Variants in SPAG16 observed in about 807,000 individuals in gnomAD.
The protein encoded by SPAG16 is sperm associated antigen 16, also known as sperm-associated antigen 16 protein.
SPAG16 carries 86 observed loss-of-function variants against 80.4 expected under a neutral mutation model. That is an observed-to-expected ratio of 1.07 (90% confidence interval 0.90 to 1.28). The LOEUF is 1.28. Ranked by LOEUF, SPAG16 falls within the 50% of genes most tolerant of loss-of-function variation. SPAG16 has a pLI of 0.00. For synonymous variants in SPAG16, 294 were observed against 265.9 expected (o/e 1.11, Z -1.03); for missense variants, 870 against 765.3 (o/e 1.14, Z -1.61).
intron 13 of SPAG16, among the ~76,000 whole-genome samples, chr2:214,018,417 A>G (rs1251427233): frequency 1.3e-5 from 2 of 152,184 alleles, no homozygotes; most frequent in Non-Finnish European, 2.9e-5. Context: ...AACAAGTTAA[A>G]ATAAATTTAC....
chr2:213,919,350 T>A (rs562503925), intron 11 of SPAG16, among the ~76,000 whole-genome samples: 1 of 152,322 alleles, frequency 6.6e-6, no homozygotes, highest in South Asian at 2.1e-4. Flanking sequence ...TTACTCTTGG[T>A]TCTCTAGTCC....
intron 15 of SPAG16, among the ~76,000 whole-genome samples, chr2:214,243,834 TA>T (rs1429153776): frequency 6.6e-6 from 1 of 152,120 alleles, no homozygotes; most frequent in East Asian, 1.9e-4. Context: ...CATCTCCTTC[TA>T]CCCATAGCCC....
intron 10 of SPAG16, among the ~76,000 whole-genome samples, chr2:213,610,501 C>T (rs933798963): frequency 2.6e-5 from 4 of 152,174 alleles, no homozygotes; most frequent in African/African-American, 7.2e-5. Context: ...ATCCCATAAC[C>T]TTTTTATCAC....
At chr2:214,046,906 GAAAA>G (rs35035036) in intron 13 of SPAG16, among the ~76,000 whole-genome samples, 16 of 145,468 alleles carry the variant, frequency 1.1e-4, no homozygotes, top group Admixed American at 4.1e-4. Context: ...TAAACAATCT[GAAAA>G]AAAAAAACAA....
Position 213,862,522 on chromosome 2 carries a change from T to C in SPAG16, c.1108T>C (p.Cys370Arg). 1.2e-6 allele frequency: 2 copies of C among 1,614,158 alleles called. No individual in the cohort carries two copies. Among genetic ancestry groups the C allele is most frequent in the Non-Finnish European group, 1.7e-6 (2 of 1,180,002 alleles). Residue 370 changes from cysteine to arginine, a missense_variant, in exon 11 of 16, where the codon TGT (cysteine) becomes CGT (arginine). Physicochemically the swap from Cys to Arg is radical, Grantham distance 180. Coordinates refer to ENST00000331683, the MANE Select transcript of SPAG16 (RefSeq NM_024532.5). ...MQPHKDILVS[C>R]GEDRLWKVLG... ...ACCCCACAAAGACATCCTAGTCTCC[T>C]GTGGCGAGGACCGACTCTGGAAGGT...
intron 15 of SPAG16, among the ~76,000 whole-genome samples, chr2:214,292,285 A>G (rs895055302): frequency 3.9e-5 from 6 of 152,082 alleles, no homozygotes; most frequent in African/African-American, 1.4e-4. Context: ...GGATGTGTAA[A>G]TCTGTTGCTG....
chr2:213,972,874 G>A (rs2045151072), intron 12 of SPAG16, among the ~76,000 whole-genome samples: 1 of 152,126 alleles, frequency 6.6e-6, no homozygotes, highest in African/African-American at 2.4e-5. Context: ...TCTGTGGGTT[G>A]TGTTTTCACT....
intron 10 of SPAG16, among the ~76,000 whole-genome samples, chr2:213,803,996 A>C (rs575689964): frequency 6.6e-6 from 1 of 152,338 alleles, no homozygotes; most frequent in South Asian, 2.1e-4. Context: ...CTAAATTCAT[A>C]TCCCTGGGCT....
intron 15 of SPAG16, among the ~76,000 whole-genome samples, chr2:214,384,324 T>C (rs892725124): frequency 1.3e-5 from 2 of 152,226 alleles, no homozygotes; most frequent in Non-Finnish European, 2.9e-5. Flanking sequence ...ATACTGTTGG[T>C]ACTTATTAGC....
intron 9 of SPAG16, among the ~76,000 whole-genome samples, chr2:213,455,477 G>C (rs1449262602): frequency 6.6e-6 from 1 of 152,072 alleles, no homozygotes; most frequent in Non-Finnish European, 1.5e-5. Context: ...ACCTCAAGGC[G>C]GTTTGTCAAC....
intron 12 of SPAG16, among the ~76,000 whole-genome samples, chr2:214,000,567 A>G (rs1000679884): frequency 5.9e-5 from 9 of 152,238 alleles, no homozygotes; most frequent in Non-Finnish European, 1.2e-4. Context: ...GCTATGTACA[A>G]CTGTTAAGTG....
intron 14 of SPAG16, among the ~76,000 whole-genome samples, chr2:214,122,208 A>G (rs2054253575): frequency 6.6e-6 from 1 of 151,824 alleles, no homozygotes; most frequent in Non-Finnish European, 1.5e-5. Context: ...AAATTATCCT[A>G]AAAAAGAATG....
chr2:214,362,257 T>A (rs1180280177), intron 15 of SPAG16, among the ~76,000 whole-genome samples: 1 of 151,866 alleles, frequency 6.6e-6, no homozygotes, highest in Non-Finnish European at 1.5e-5. Flanking sequence ...TTGGTCAAAG[T>A]AAGTCACAGA....
rs1015816029 is a variant in SPAG16 at position 213,839,152 on chromosome 2, C to G, written c.1071-23333C>G. Among the ~76,000 whole-genome samples, 3 of 152,252 alleles carry G rather than the reference C, an allele frequency of 2.0e-5. No individual in the cohort carries two copies. The East Asian group carries it at 5.8e-4, about 29-fold the overall frequency. The stretch of plus-strand genomic sequence containing the variant: ...TTTCTGTAAGATGGATTTGTTAACT[C>G]TTTTGTAAATATCACCATTCTTCAA... On this transcript the variant is annotated intron_variant, in intron 10 of 15. Transcript: ENST00000331683.
intron 12 of SPAG16, among the ~76,000 whole-genome samples, chr2:213,984,145 A>C (rs2045895947): frequency 6.6e-6 from 1 of 152,136 alleles, no homozygotes; most frequent in Non-Finnish European, 1.5e-5. Flanking sequence ...TGCATATGTT[A>C]TTATATCAAA....
rs895479034 is a variant in SPAG16, at chr2:213,563,252, AT to A, written c.1070+73171del. On this transcript the variant is annotated intron_variant, in intron 10 of 15. Coordinates refer to ENST00000331683, the MANE Select transcript of SPAG16 (RefSeq NM_024532.5). Reference sequence around the variant, plus strand: ...TCTGATTGCTTCTTTTAAATGACAGATTTTTTTTTCACATATGCCATATATC... The same window carrying A: ...TCTGATTGCTTCTTTTAAATGACAGATTTTTTTTCACATATGCCATATATC... 7.5e-4 allele frequency among the ~76,000 whole-genome samples: 114 copies of A among 151,422 alleles called. 2 individuals carry two copies. Among genetic ancestry groups the A allele is most frequent in the Middle Eastern group, 3.4e-3 (1 of 290 alleles).
intron 15 of SPAG16, among the ~76,000 whole-genome samples, chr2:214,311,923 C>T (rs1273530017): frequency 6.6e-6 from 1 of 152,122 alleles, no homozygotes; most frequent in African/African-American, 2.4e-5. Context: ...ATGTGGATCC[C>T]ACCCTCATAC....
chr2:213,592,082 A>G (rs998687587), intron 10 of SPAG16, among the ~76,000 whole-genome samples: 8 of 152,210 alleles, frequency 5.3e-5, no homozygotes, highest in African/African-American at 1.2e-4. Context: ...AATTTTATTC[A>G]TATTTTTAAA....
chr2:214,001,425 T>C (rs1188693891), intron 12 of SPAG16, among the ~76,000 whole-genome samples: 1 of 152,234 alleles, frequency 6.6e-6, no homozygotes. Context: ...CACTGTATGA[T>C]TGAAACTATG....
Sources: gnomAD v4.1 joint callset for allele counts (sites outside exome capture counted in the v4.1 genomes callset) on GRCh38, gnomAD v4.1.1 for gene constraint, MANE v1.5 for transcripts, NCBI Gene and HGNC (gene_info 2026-07-23, HGNC 2026-07-21) for gene names.